AEBP2: variants seen among roughly 807,000 people sequenced by gnomAD.
AEBP2 encodes the protein zinc finger protein AEBP2.
AEBP2 carries 10 observed loss-of-function variants against 50.8 expected under a neutral mutation model. The ratio of observed to expected loss-of-function variants is 0.20; its 90% confidence interval spans 0.12 to 0.33. The LOEUF is 0.33. Among genes scored for constraint, AEBP2 ranks in the 10% least tolerant of loss-of-function variants. The pLI is 1.00. For missense variants in AEBP2, 570 were observed against 688.0 expected (o/e 0.83, Z 1.92); for synonymous variants, 296 against 261.3 (o/e 1.13, Z -1.28).
At chr12:19,413,318 G>A in intron 1 of AEBP2, 1 of 1,259,538 alleles carries the variant, frequency 7.9e-7, no homozygotes, top group Non-Finnish European at 1.2e-6. Flanking sequence ...TATACAGATG[G>A]CAAGATATGG....
rs563618485 is a variant in AEBP2 at position 19,482,308 on chromosome 12, G to GT, written c.987+8954dup. On this transcript the variant is annotated intron_variant, in intron 3 of 7. Transcript: ENST00000266508. ...GATACCAGCACCTGCTCTGCTGGAG[G>GT]TGGCAGGGGAGTGAAGTGGACTCTT... is the stretch of plus-strand genomic sequence containing the variant. Among the ~76,000 whole-genome samples the GT allele has an allele frequency of 5.3e-4, 81 of 152,300 alleles. 1 individual carries two copies. The South Asian group carries it at 0.016, about 31-fold the overall frequency.
At chr12:19,423,295 T>C (rs190952041) in intron 1 of AEBP2, among the ~76,000 whole-genome samples, 12 of 152,176 alleles carry the variant, frequency 7.9e-5, no homozygotes, top group African/African-American at 2.6e-4. Context: ...TCCCTCCCCA[T>C]TGCCTTCAGT....
intron 2 of AEBP2, among the ~76,000 whole-genome samples, chr12:19,463,401 G>GT (rs1243721098): frequency 7.2e-5 from 11 of 152,126 alleles, no homozygotes; most frequent in Non-Finnish European, 2.9e-5. Context: ...TTGTTGAATA[G>GT]TTATCACACT....
chr12:19,499,948 T>A, intron 4 of AEBP2, 149 bp from the exon 5 acceptor site: 1 of 776,670 alleles, frequency 1.3e-6, no homozygotes, highest in Non-Finnish European at 2.0e-6. Flanking sequence ...ATATTAGTCT[T>A]CTTATCTAGA....
intron 4 of AEBP2, 130 bp downstream of exon 4, chr12:19,494,116 G>A: frequency 1.0e-6 from 1 of 979,824 alleles, no homozygotes. Flanking sequence ...ATGCCTGTCT[G>A]TCAGTGAGAG....
intron 3 of AEBP2, among the ~76,000 whole-genome samples, chr12:19,487,515 C>T (rs1399419011): frequency 1.3e-5 from 2 of 152,012 alleles, no homozygotes; most frequent in Admixed American, 6.6e-5. Context: ...GTCAGGAGTT[C>T]GAGACCAGTC....
rs34351225 is a variant in AEBP2, at chr12:19,404,930, C to CTTTTT, written c.-17+732_-17+736dup. 2.5e-4 allele frequency among the ~76,000 whole-genome samples: 24 copies of CTTTTT among 95,700 alleles called. 1 individual carries two copies. The highest frequency in any genetic ancestry group is 3.6e-4 in the South Asian group (1 of 2,786). 62.8% of individuals were successfully genotyped at this position (95,700 alleles called of 152,430 possible). On this transcript the variant is annotated intron_variant, in intron 1 of 3. Coordinates refer to the AEBP2 transcript ENST00000538425. Reference sequence around the variant, plus strand: ...CGTGATTCCAACTTCCTTGGCTACTCTTTTTTTTTTTTTTTTTTTTTTCAG... The same window carrying CTTTTT: ...CGTGATTCCAACTTCCTTGGCTACTCTTTTTTTTTTTTTTTTTTTTTTTTTTTCAG...
rs1949407828 is a variant in AEBP2 at position 19,522,227 on chromosome 12, G to T, written c.*4110G>T. On this transcript the variant is annotated 3_prime_UTR_variant, in exon 8 of 8. Transcript: ENST00000266508. ...TTAAATTAAAGAATCTTGTGACCTGGTGTAGGACATTTTGCATTTGTAACA... is the reference window on the plus strand; with the variant it reads ...TTAAATTAAAGAATCTTGTGACCTGTTGTAGGACATTTTGCATTTGTAACA... The T allele has an allele frequency of 6.6e-6, 1 of 151,990 alleles. No homozygotes were observed. Among genetic ancestry groups the T allele is most frequent in the African/African-American group, 2.4e-5 (1 of 41,382 alleles). The allele number at this position is 151,990 out of a possible 1,614,324, so 9.4% of individuals were successfully genotyped here.
chr12:19,506,379 C>T (rs1225157092), intron 5 of AEBP2, among the ~76,000 whole-genome samples: 2 of 151,414 alleles, frequency 1.3e-5, no homozygotes, highest in African/African-American at 4.9e-5. Flanking sequence ...GGATTACAGG[C>T]ATGAGCCACG....
intron 5 of AEBP2, chr12:19,508,862 TTTC>T: frequency 4.7e-6 from 1 of 214,612 alleles, no homozygotes; most frequent in East Asian, 9.4e-5. Context: ...TTTCAAAGGC[TTTC>T]TTCTTCCTCT....
At chr12:19,451,052 G>T (rs1349677822) in intron 1 of AEBP2, among the ~76,000 whole-genome samples, 2 of 152,056 alleles carry the variant, frequency 1.3e-5, no homozygotes, top group Non-Finnish European at 2.9e-5. Context: ...TTATCTGAAA[G>T]AAAAGGATAC....
intron 5 of AEBP2, among the ~76,000 whole-genome samples, chr12:19,505,238 AT>A (rs1007722443): frequency 1.3e-5 from 2 of 152,042 alleles, no homozygotes; most frequent in Admixed American, 1.3e-4. Context: ...TGTAATACAG[AT>A]TTTTTTTGTT....
At chr12:19,457,541 T>C in intron 1 of AEBP2, 1 of 1,481,654 alleles carries the variant, frequency 6.7e-7, no homozygotes. Flanking sequence ...CAATGGTTCT[T>C]TTGTTGATGC....
intron 1 of AEBP2, among the ~76,000 whole-genome samples, chr12:19,462,155 ACTTT>A (rs1223263364): frequency 5.9e-5 from 9 of 152,190 alleles, no homozygotes; most frequent in African/African-American, 9.6e-5. Context: ...GGAAACTCTT[ACTTT>A]CTTATGCTTC....
In AEBP2 at chr12:19,520,357, T is replaced by C. The variant is rs1949379911; in HGVS notation, c.*2240T>C. Reference sequence around the variant, plus strand: ...GAAATACTTAGATGTCAAAACCAGATTTCGTGATCCTTGATTAACTTCTGA... The same window carrying C: ...GAAATACTTAGATGTCAAAACCAGACTTCGTGATCCTTGATTAACTTCTGA... On this transcript the variant is annotated 3_prime_UTR_variant, in exon 8 of 8. Coordinates refer to ENST00000266508, the MANE Select transcript of AEBP2 (RefSeq NM_153207.5). 1 of 152,188 alleles carries C rather than the reference T, an allele frequency of 6.6e-6. No homozygotes were observed. The highest frequency in any genetic ancestry group is 1.5e-5 in the Non-Finnish European group (1 of 68,014). 9.4% of individuals were successfully genotyped at this position (152,188 alleles called of 1,614,324 possible).
intron 1 of AEBP2, among the ~76,000 whole-genome samples, chr12:19,429,798 A>G (rs530281575): frequency 6.7e-6 from 1 of 149,440 alleles, no homozygotes; most frequent in Non-Finnish European, 1.5e-5. Context: ...GTCTGTTCAT[A>G]TCCTTCGCCC....
At chr12:19,417,303 CAGACAT>C (rs1363345211) in intron 1 of AEBP2, among the ~76,000 whole-genome samples, 1 of 152,204 alleles carries the variant, frequency 6.6e-6, no homozygotes, top group African/African-American at 2.4e-5. Flanking sequence ...TTTGAAACAT[CAGACAT>C]AAAGTAAACA....
At position 19,440,230 on chromosome 12, in the gene AEBP2, C is replaced by G. The variant is rs1305961988; in HGVS notation, c.531C>G (p.Ser177Arg). ...GCGGCGGCGGGGGCGGCAGCAGTAG[C>G]AGCAGCGTAGTCTCCAGCGGCGGCG... is the stretch of plus-strand genomic sequence containing the variant. The part of the protein sequence containing the change: ...SQGGGGGGSS[S>R]SSVVSSGGDE... Residue 177 changes from serine to arginine, a missense_variant, in exon 1 of 8, where the codon AGC becomes AGG. Coordinates refer to ENST00000266508, the MANE Select transcript of AEBP2 (RefSeq NM_153207.5). 16 of 1,475,140 alleles carry G rather than the reference C, an allele frequency of 1.1e-5. No homozygotes were observed. In the East Asian group the frequency reaches 3.8e-4, roughly 35 times the overall value. 91.4% of individuals were successfully genotyped at this position (1,475,140 alleles called of 1,614,324 possible).
chr12:19,480,939 G>T (rs11044596), intron 3 of AEBP2, among the ~76,000 whole-genome samples: 7,898 of 151,964 alleles, frequency 0.052, 467 homozygotes, highest in East Asian at 0.18. Context: ...CTTAGGTTTG[G>T]TTGTTTGATG....
Sources: gnomAD v4.1 joint callset for allele counts (sites outside exome capture counted in the v4.1 genomes callset) on GRCh38, gnomAD v4.1.1 for gene constraint, MANE v1.5 for transcripts, NCBI Gene and HGNC (gene_info 2026-07-23, HGNC 2026-07-21) for gene names.